The following CHCHD3 variants were observed in gnomAD, a reference collection of about 807,000 sequenced individuals.
CHCHD3 encodes the protein coiled-coil-helix-coiled-coil-helix domain containing 3, also known as MICOS complex subunit MIC19.
A neutral mutation model predicts 38.2 loss-of-function variants in CHCHD3; 20 were observed. The ratio of observed to expected loss-of-function variants is 0.52; its 90% CI spans 0.37 to 0.76. CHCHD3 has a LOEUF of 0.76. Among genes scored for constraint, CHCHD3 ranks in the 30% least tolerant of loss-of-function variants. The pLI is 0.00. For missense variants in CHCHD3, 245 were observed against 279.2 expected (o/e 0.88, Z 0.87); for synonymous variants, 82 against 100.0 (o/e 0.82, Z 1.07).
intron 2 of CHCHD3, among the ~76,000 whole-genome samples, chr7:133,047,598 T>A (rs1225983512): frequency 1.3e-5 from 2 of 152,182 alleles, no homozygotes; most frequent in African/African-American, 4.8e-5. Context: ...AAATTACAGG[T>A]GAAAAAAATC....
intron 2 of CHCHD3, 41 bp downstream of exon 2, chr7:133,070,101 A>AT (rs1319525430): frequency 6.7e-7 from 1 of 1,487,002 alleles, no homozygotes; most frequent in Admixed American, 2.0e-5. Context: ...TCCACTTATA[A>AT]TTTATCTCCT....
chr7:133,014,940 C>G (rs557751514), intron 3 of CHCHD3, among the ~76,000 whole-genome samples: 5 of 152,108 alleles, frequency 3.3e-5, no homozygotes, highest in Non-Finnish European at 7.4e-5. Flanking sequence ...ACATACTCCC[C>G]GCTGTACTAT....
intron 6 of CHCHD3, among the ~76,000 whole-genome samples, chr7:132,831,287 G>C (rs1292618032): frequency 4.6e-5 from 7 of 152,106 alleles, no homozygotes; most frequent in Non-Finnish European, 1.5e-5. Flanking sequence ...TTTAGAATTT[G>C]ATCAATGTGA....
At chr7:132,790,657 C>T (rs558549206) in intron 7 of CHCHD3, among the ~76,000 whole-genome samples, 4 of 152,286 alleles carry the variant, frequency 2.6e-5, no homozygotes, top group East Asian at 1.9e-4. Flanking sequence ...AAGCAGCTTT[C>T]GAACACAATA....
At chr7:132,952,651 A>G (rs762292470) in intron 4 of CHCHD3, among the ~76,000 whole-genome samples, 10 of 152,258 alleles carry the variant, frequency 6.6e-5, no homozygotes, top group Non-Finnish European at 1.2e-4. Flanking sequence ...TAGGCCATAT[A>G]GAGTTAGCTG....
chr7:132,921,120 C>T (rs1810249803), intron 4 of CHCHD3, among the ~76,000 whole-genome samples: 1 of 152,084 alleles, frequency 6.6e-6, no homozygotes, highest in African/African-American at 2.4e-5. Context: ...AAGTATAGAA[C>T]AAGAGAAGGA....
intron 3 of CHCHD3, among the ~76,000 whole-genome samples, chr7:132,978,736 G>T (rs933353939): frequency 6.6e-6 from 1 of 152,100 alleles, no homozygotes; most frequent in African/African-American, 2.4e-5. Context: ...ACAACAGGAG[G>T]TGCCACAACA....
intron 2 of CHCHD3, among the ~76,000 whole-genome samples, chr7:133,067,501 T>C (rs1814704647): frequency 6.6e-6 from 1 of 152,228 alleles, no homozygotes; most frequent in Non-Finnish European, 1.5e-5. Context: ...TTCATACATG[T>C]AGATAAGAAC....
chr7:132,802,992 T>C (rs961626740), intron 6 of CHCHD3, among the ~76,000 whole-genome samples: 3 of 152,284 alleles, frequency 2.0e-5, no homozygotes, highest in Middle Eastern at 3.4e-3. Context: ...GCTTGAAATA[T>C]TGTTATTGCT....
chr7:132,969,250 C>T (rs2117321709), intron 4 of CHCHD3, among the ~76,000 whole-genome samples: 1 of 151,976 alleles, frequency 6.6e-6, no homozygotes, highest in Non-Finnish European at 1.5e-5. Context: ...ATAACCTTCC[C>T]CACAAACCTG....
intron 3 of CHCHD3, among the ~76,000 whole-genome samples, chr7:133,023,696 T>C (rs1813254117): frequency 6.6e-6 from 1 of 152,206 alleles, no homozygotes; most frequent in South Asian, 2.1e-4. Context: ...TATGAATAAG[T>C]ACCTACTCTA....
At chr7:132,962,375 G>A (rs1811342692) in intron 4 of CHCHD3, among the ~76,000 whole-genome samples, 2 of 152,088 alleles carry the variant, frequency 1.3e-5, no homozygotes, top group African/African-American at 2.4e-5. Flanking sequence ...ATTCATCAAG[G>A]TAAGAGACTT....
intron 2 of CHCHD3, among the ~76,000 whole-genome samples, chr7:133,044,872 T>C (rs1367530744): frequency 6.6e-6 from 1 of 152,210 alleles, no homozygotes; most frequent in Non-Finnish European, 1.5e-5. Context: ...GAGATGAGGC[T>C]GACAGCAGGG....
intron 5 of CHCHD3, among the ~76,000 whole-genome samples, chr7:132,859,111 G>T (rs982994729): frequency 3.9e-5 from 6 of 152,128 alleles, no homozygotes; most frequent in Non-Finnish European, 8.8e-5. Context: ...AATGCCTTAT[G>T]AAAAGAGATC....
chr7:132,898,854 A>G (rs1477527961), intron 4 of CHCHD3, among the ~76,000 whole-genome samples: 3 of 152,216 alleles, frequency 2.0e-5, no homozygotes, highest in Non-Finnish European at 4.4e-5. Context: ...CCCAGGTGCT[A>G]AGCCCCTCAT....
chr7:132,927,490 CTG>C (rs1482329162), intron 4 of CHCHD3, among the ~76,000 whole-genome samples: 1 of 152,204 alleles, frequency 6.6e-6, no homozygotes, highest in Non-Finnish European at 1.5e-5. Context: ...GTTTTCAACA[CTG>C]TATCTCGCCC....
chr7:133,056,430 T>G (rs1301270204), intron 2 of CHCHD3, among the ~76,000 whole-genome samples: 1 of 152,014 alleles, frequency 6.6e-6, no homozygotes, highest in Non-Finnish European at 1.5e-5. Flanking sequence ...CTCCTATTAT[T>G]CCTCCTTCAA....
chr7:132,875,651 C>T (rs1169751009), intron 5 of CHCHD3, among the ~76,000 whole-genome samples: 1 of 152,186 alleles, frequency 6.6e-6, no homozygotes, highest in East Asian at 1.9e-4. Flanking sequence ...TACCAATGGG[C>T]TTTTGTGCCA....
At chr7:133,016,153 A>C (rs1813025738) in intron 3 of CHCHD3, among the ~76,000 whole-genome samples, 1 of 152,190 alleles carries the variant, frequency 6.6e-6, no homozygotes, top group South Asian at 2.1e-4. Flanking sequence ...ATAACTTGGT[A>C]AGTTTCTTAC....
Sources: allele counts gnomAD v4.1 joint callset (sites outside exome capture counted in the v4.1 genomes callset), GRCh38; gene constraint gnomAD v4.1.1; transcripts MANE v1.5; gene names NCBI Gene and HGNC (gene_info 2026-07-23, HGNC 2026-07-21).